The following DICER1 variants were observed in gnomAD, a reference collection of about 807,000 sequenced individuals.
The protein encoded by DICER1 is dicer 1, ribonuclease III.
A neutral mutation model predicts 194.1 loss-of-function variants in DICER1; 43 were observed. The ratio of observed to expected loss-of-function variants is 0.22; its 90% confidence interval spans 0.17 to 0.29. DICER1 has a LOEUF of 0.29. DICER1 is among the 10% of genes least tolerant of loss of function. The pLI is 1.00. For missense variants in DICER1, 1,608 were observed against 2,317.0 expected (o/e 0.69, Z 6.28); for synonymous variants, 832 against 820.5 (o/e 1.01, Z -0.24).
In DICER1 at chr14:95,157,464, C is replaced by T. The variant is rs1440237728; in HGVS notation, c.-280G>A. 1 of 152,512 alleles carries T rather than the reference C, an allele frequency of 6.6e-6. No homozygotes were observed. The highest frequency in any genetic ancestry group is 2.4e-5 in the African/African-American group (1 of 41,434). The allele number at this position is 152,512 out of a possible 1,614,324, so 9.4% of individuals were successfully genotyped here. On this transcript the variant is annotated 5_prime_UTR_variant, in exon 1 of 27. Transcript: ENST00000343455. ...CGGCGCCTGCGGAGACTGCGCAGCG[C>T]CCGGCTGGCCGGCAGCCAGCGCACG...
intron 24 of DICER1, among the ~76,000 whole-genome samples, chr14:95,091,843 A>G (rs1391319377): frequency 6.6e-6 from 1 of 152,184 alleles, no homozygotes; most frequent in Non-Finnish European, 1.5e-5. Context: ...TAGGGAAATT[A>G]TATTTGAAAG....
intron 24 of DICER1, 174 bp from the exon 25 acceptor site, chr14:95,091,539 A>G: frequency 1.6e-6 from 1 of 637,934 alleles, no homozygotes; most frequent in Non-Finnish European, 2.6e-6. Context: ...TATATTTTTA[A>G]AAAAGTTTTT....
rs568193804 is a variant in DICER1 at position 95,089,144 on chromosome 14, T to C, written c.*1354A>G. On this transcript the variant is annotated 3_prime_UTR_variant, in exon 27 of 27. Transcript: ENST00000343455. ...AAAAGAAAAGAAGAACTGAGGTATT[T>C]AAGTGAAGAGTGCCTACAAGTCTAA... 25 of 231,400 alleles carry C rather than the reference T, an allele frequency of 1.1e-4. 1 individual carries two copies. In the South Asian group the frequency reaches 4.6e-3, roughly 42 times the overall value. 14.3% of individuals were successfully genotyped at this position (231,400 alleles called of 1,614,324 possible).
At chr14:95,145,211 G>A (rs1052194669) in intron 1 of DICER1, among the ~76,000 whole-genome samples, 2 of 152,160 alleles carry the variant, frequency 1.3e-5, no homozygotes, top group African/African-American at 4.8e-5. Flanking sequence ...TCTTTTGTTA[G>A]TTTAATTCAC....
chr14:95,089,733 C>T lies in DICER1; in HGVS notation c.*765G>A, dbSNP rs1248738927. 8 of 231,848 alleles carry T rather than the reference C, an allele frequency of 3.5e-5. No individual in the cohort carries two copies. The highest frequency in any genetic ancestry group is 1.8e-4 in the South Asian group (1 of 5,516). 14.4% of individuals were successfully genotyped at this position (231,848 alleles called of 1,614,324 possible). A position where few individuals can be genotyped will look rare whatever the true frequency, so the allele number is the denominator to read the frequency against. On this transcript the variant is annotated 3_prime_UTR_variant, in exon 27 of 27. Transcript: ENST00000343455. ...CTATACTAGTGAGTTGTAAGTATCA[C>T]GCTGTCTCAACGTCTAATGCATAAT...
In DICER1 at chr14:95,096,240, C is replaced by T. The variant is rs61729797; in HGVS notation, c.4680G>A (p.Ala1560=). Reference sequence around the variant, plus strand: ...AGCCCAGCAGGGCTTCCACACAGTCCGCTATGCTTTTGTCAGCAATACACT... The same window carrying T: ...AGCCCAGCAGGGCTTCCACACAGTCTGCTATGCTTTTGTCAGCAATACACT... ...TEQCIADKSI[A]DCVEALLGCY... is the part of the protein sequence containing the mutation. Residue 1560 remains alanine, a synonymous_variant, in exon 23 of 27, where the codon GCG becomes GCA. Coordinates refer to ENST00000343455, the MANE Select transcript of DICER1 (RefSeq NM_177438.3). The T allele has an allele frequency of 6.3e-3, 10,186 of 1,614,164 alleles. 596 individuals carry two copies. In the African/African-American group the frequency reaches 0.12, roughly 19 times the overall value.
rs113197964 is a variant in DICER1 at position 95,144,415 on chromosome 14, G to A, written c.-45-10912C>T. Among the ~76,000 whole-genome samples the A allele has an allele frequency of 7.3e-3, 1,111 of 151,914 alleles. 13 individuals are homozygous for A. The highest frequency in any genetic ancestry group is 0.025 in the African/African-American group (1,055 of 41,380). ...GTTTAAATCCAGACTCCACTACCTC[G>A]CTAACATTGTTTACTTGCCTGTAAA... On this transcript the variant is annotated intron_variant, in intron 1 of 26. Transcript: ENST00000343455.
rs1891659082 is a variant in DICER1 at position 95,108,457 on chromosome 14, C to T, written c.2303G>A (p.Cys768Tyr). The T allele has an allele frequency of 2.5e-6, 4 of 1,614,062 alleles. No homozygotes were observed. The highest frequency in any genetic ancestry group is 1.7e-6 in the Non-Finnish European group (2 of 1,179,974). The change falls in exon 15 of 27, where the codon TGT becomes TAT. Residue 768 changes from cysteine to tyrosine, a missense_variant. Coordinates refer to ENST00000343455, the MANE Select transcript of DICER1 (RefSeq NM_177438.3). The stretch of plus-strand genomic sequence containing the variant: ...AACCATTCCTATCACATACAGGTAA[C>T]AGGGCTGATCAGGTCTGGGATAACT... ...RDSYPRPDQP[C>Y]YLYVIGMVLT...
chr14:95,132,822 TC>T (rs1431992006), intron 2 of DICER1, 145 bp from the exon 3 acceptor site: 1 of 761,426 alleles, frequency 1.3e-6, no homozygotes, highest in African/African-American at 1.8e-5. Flanking sequence ...ACAGTCTACG[TC>T]TTTATACGAG....
At chr14:95,099,500 C>T (rs562006446) in intron 22 of DICER1, among the ~76,000 whole-genome samples, 9 of 151,872 alleles carry the variant, frequency 5.9e-5, no homozygotes, top group African/African-American at 2.2e-4. Flanking sequence ...GAGCAAAACT[C>T]AAAGTCAAAA....
intron 1 of DICER1, among the ~76,000 whole-genome samples, chr14:95,144,082 T>C (rs1894981047): frequency 6.6e-6 from 1 of 152,188 alleles, no homozygotes; most frequent in Non-Finnish European, 1.5e-5. Flanking sequence ...TCTCAGATGT[T>C]TTTAGCTAAC....
chr14:95,120,489 T>C (rs1263135740), intron 8 of DICER1, among the ~76,000 whole-genome samples: 2 of 152,190 alleles, frequency 1.3e-5, no homozygotes, highest in Non-Finnish European at 2.9e-5. Context: ...ATCCACAAAG[T>C]GGGCAGAAAA....
intron 24 of DICER1, among the ~76,000 whole-genome samples, chr14:95,093,001 C>T (rs1889982132): frequency 6.6e-6 from 1 of 152,192 alleles, no homozygotes; most frequent in African/African-American, 2.4e-5. Context: ...GGGCAGCTGG[C>T]AGGGCGTGAA....
chr14:95,090,065 C>T lies in DICER1; in HGVS notation c.*433G>A. On this transcript the variant is annotated 3_prime_UTR_variant, in exon 27 of 27. Coordinates refer to ENST00000343455, the MANE Select transcript of DICER1 (RefSeq NM_177438.3). ...AGCTTATCAACTACTGCAGGACTGG[C>T]ACTACTGCACACACGGAGAGATGGA... is the stretch of plus-strand genomic sequence containing the variant. 3.1e-6 allele frequency: 1 copy of T among 326,944 alleles called. No homozygotes were observed. Among genetic ancestry groups the T allele is most frequent in the Non-Finnish European group, 5.7e-6 (1 of 174,466 alleles). The allele number at this position is 326,944 out of a possible 1,614,324, so 20.3% of individuals were successfully genotyped here.
intron 1 of DICER1, among the ~76,000 whole-genome samples, chr14:95,153,741 A>C: frequency 6.6e-6 from 1 of 152,198 alleles, no homozygotes; most frequent in South Asian, 2.1e-4. Flanking sequence ...TTATAAGACC[A>C]TTTCAAATCC....
chr14:95,138,563 A>G (rs975060648), intron 1 of DICER1, among the ~76,000 whole-genome samples: 2 of 152,164 alleles, frequency 1.3e-5, no homozygotes, highest in African/African-American at 2.4e-5. Context: ...GTTGATATTT[A>G]AAAAGGAAAT....
At chr14:95,153,842 A>G (rs1370619885) in intron 1 of DICER1, among the ~76,000 whole-genome samples, 1 of 152,244 alleles carries the variant, frequency 6.6e-6, no homozygotes, top group East Asian at 1.9e-4. Flanking sequence ...CTAGCCATCA[A>G]AAAATCAAAA....
chr14:95,092,725 G>C (rs1188244785), intron 24 of DICER1, among the ~76,000 whole-genome samples: 2 of 152,138 alleles, frequency 1.3e-5, no homozygotes, highest in African/African-American at 2.4e-5. Flanking sequence ...ACAAAGGGAA[G>C]GAAAAGAATG....
At chr14:95,145,817 A>G (rs1379117168) in intron 1 of DICER1, among the ~76,000 whole-genome samples, 5 of 152,060 alleles carry the variant, frequency 3.3e-5, no homozygotes, top group African/African-American at 4.8e-5. Flanking sequence ...CCCTAACACT[A>G]TGGGTATGAA....
Sources: allele counts gnomAD v4.1 joint callset (sites outside exome capture counted in the v4.1 genomes callset), GRCh38; gene constraint gnomAD v4.1.1; transcripts MANE v1.5; gene names NCBI Gene and HGNC (gene_info 2026-07-23, HGNC 2026-07-21).